DIAPH3: variants seen among roughly 807,000 people sequenced by gnomAD.
The protein encoded by DIAPH3 is diaphanous related formin 3.
A neutral mutation model predicts 144.3 loss-of-function variants in DIAPH3; 117 were observed. The ratio of observed to expected loss-of-function variants is 0.81; its 90% confidence interval spans 0.70 to 0.95. The LOEUF (loss-of-function observed/expected upper bound fraction) is 0.95, where lower values mean the gene tolerates loss of function less well. Among genes scored for constraint, DIAPH3 ranks in the 40% least tolerant of loss-of-function variants. The pLI, the probability that DIAPH3 is intolerant of heterozygous loss-of-function variation, is 0.00. For missense variants in DIAPH3, 1,421 were observed against 1,412.7 expected (o/e 1.01, Z -0.09); for synonymous variants, 519 against 488.9 (o/e 1.06, Z -0.81).
rs772690684 is a variant in DIAPH3 at position 59,916,237 on chromosome 13, C to T, written c.2183G>A (p.Ser728Asn). Residue 728 changes from serine (S) to asparagine (N), a missense_variant, in exon 19 of 28, where the codon AGC becomes AAC. Transcript: ENST00000400324. ...KIAQNLSIFL[S>N]SFRVPYEEIR... ...TTCCTCATATGGCACCCGAAAAGAG[C>T]TCAGGAAGATTGCTAAGAAGGAGAA... 2 of 1,612,786 alleles carry T rather than the reference C, an allele frequency of 1.2e-6. No homozygotes were observed. The highest frequency in any genetic ancestry group is 1.7e-5 in the Admixed American group (1 of 59,942).
chr13:60,116,000 T>C (rs1189369991), intron 2 of DIAPH3, among the ~76,000 whole-genome samples: 1 of 152,100 alleles, frequency 6.6e-6, no homozygotes, highest in Non-Finnish European at 1.5e-5. Flanking sequence ...AAAACTGAGA[T>C]AATCTGTCTC....
intron 24 of DIAPH3, among the ~76,000 whole-genome samples, chr13:59,821,123 C>A (rs1249748372): frequency 6.6e-6 from 1 of 151,918 alleles, no homozygotes; most frequent in Non-Finnish European, 1.5e-5. Context: ...TCACTAAACT[C>A]AAAAATCTTT....
intron 3 of DIAPH3, among the ~76,000 whole-genome samples, chr13:60,107,640 C>T (rs1229827445): frequency 6.6e-6 from 1 of 152,140 alleles, no homozygotes; most frequent in African/African-American, 2.4e-5. Context: ...CAAACATACG[C>T]TTAAGAGATG....
intron 25 of DIAPH3, among the ~76,000 whole-genome samples, chr13:59,783,419 T>A (rs1204723655): frequency 6.6e-6 from 1 of 152,174 alleles, no homozygotes; most frequent in Non-Finnish European, 1.5e-5. Context: ...TAAGTTGAAA[T>A]GTTCATGAGA....
intron 17 of DIAPH3, 32 bp downstream of exon 17, chr13:59,969,912 A>C: frequency 1.5e-6 from 2 of 1,352,074 alleles, no homozygotes; most frequent in South Asian, 2.6e-5. Flanking sequence ...TTCTAAAATC[A>C]AATTAATAAA....
In DIAPH3 at chr13:60,112,152, C is replaced by T; in HGVS notation, c.248G>A (p.Ser83Asn). ...DKFASIRIPGSKKERPPLPNL... is the reference protein window; with the variant it reads ...DKFASIRIPGNKKERPPLPNL... Reference sequence around the variant, plus strand: ...GGGAAGTGGAGGTCTCTCTTTCTTGCTCCCTGGAATTCTTATGCTGGCAAA... The same window carrying T: ...GGGAAGTGGAGGTCTCTCTTTCTTGTTCCCTGGAATTCTTATGCTGGCAAA... The change falls in exon 3 of 28, where the codon AGC (serine) becomes AAC (asparagine). Residue 83 changes from serine (S) to asparagine (N), a missense_variant. Transcript: ENST00000400324. The T allele has an allele frequency of 6.2e-7, 1 of 1,614,104 alleles. No individual in the cohort carries two copies. The highest frequency in any genetic ancestry group is 8.5e-7 in the Non-Finnish European group (1 of 1,180,026).
In DIAPH3 at chr13:60,002,355, G is replaced by A. The variant is rs559826828; in HGVS notation, c.1014+6189C>T. Among the ~76,000 whole-genome samples the A allele has an allele frequency of 3.9e-5, 6 of 152,220 alleles. No homozygotes were observed. The East Asian group carries it at 1.2e-3, about 29-fold the overall frequency. ...AATCAGATCAATTACAGTCATTGCTGCCCATAATATAAAAGTAATATTCCC... is the reference window on the plus strand; with the variant it reads ...AATCAGATCAATTACAGTCATTGCTACCCATAATATAAAAGTAATATTCCC... On this transcript the variant is annotated intron_variant, in intron 9 of 27. Coordinates refer to ENST00000400324, the MANE Select transcript of DIAPH3 (RefSeq NM_001042517.2).
At chr13:59,770,589 A>ACTG (rs2038072582) in intron 27 of DIAPH3, among the ~76,000 whole-genome samples, 1 of 152,096 alleles carries the variant, frequency 6.6e-6, no homozygotes, top group Non-Finnish European at 1.5e-5. Context: ...ACATGCTACT[A>ACTG]CTGCTGCTGC....
intron 17 of DIAPH3, among the ~76,000 whole-genome samples, chr13:59,940,857 T>C (rs563989861): frequency 1.3e-5 from 2 of 152,272 alleles, no homozygotes; most frequent in African/African-American, 2.4e-5. Flanking sequence ...CAGTAGAAAC[T>C]GCAAATGTGA....
intron 27 of DIAPH3, among the ~76,000 whole-genome samples, chr13:59,737,935 G>C (rs1018874910): frequency 1.3e-5 from 2 of 152,136 alleles, no homozygotes; most frequent in Non-Finnish European, 2.9e-5. Context: ...GGGAGGCCGA[G>C]GTGGGTGCAT....
chr13:60,055,899 T>G (rs564705781), intron 4 of DIAPH3, among the ~76,000 whole-genome samples: 4 of 151,914 alleles, frequency 2.6e-5, no homozygotes, highest in African/African-American at 9.6e-5. Context: ...GACAATTTTT[T>G]GCATAGTTAT....
At chr13:60,043,837 A>G (rs2055869041) in intron 4 of DIAPH3, among the ~76,000 whole-genome samples, 1 of 152,208 alleles carries the variant, frequency 6.6e-6, no homozygotes, top group Non-Finnish European at 1.5e-5. Flanking sequence ...ACTGTAAATA[A>G]TAAATGCTGT....
At chr13:59,730,914 C>T (rs1289972818) in intron 27 of DIAPH3, among the ~76,000 whole-genome samples, 2 of 152,082 alleles carry the variant, frequency 1.3e-5, no homozygotes, top group Non-Finnish European at 1.5e-5. Flanking sequence ...CATATAATCC[C>T]AAATCCTTAC....
intron 27 of DIAPH3, among the ~76,000 whole-genome samples, chr13:59,726,717 G>A (rs147991896): frequency 6.6e-5 from 10 of 152,182 alleles, no homozygotes; most frequent in Admixed American, 3.3e-4. Flanking sequence ...GGGCTATTCC[G>A]TCTCAACATT....
intron 2 of DIAPH3, among the ~76,000 whole-genome samples, chr13:60,130,941 G>A (rs187481591): frequency 1.1e-3 from 160 of 152,202 alleles, no homozygotes; most frequent in African/African-American, 3.7e-3. Flanking sequence ...GAGCAACATG[G>A]CTTCTGGAAT....
intron 25 of DIAPH3, among the ~76,000 whole-genome samples, chr13:59,795,885 GCTTGCCAGCCAT>G (rs1254533225): frequency 6.6e-6 from 1 of 152,068 alleles, no homozygotes; most frequent in Non-Finnish European, 1.5e-5. Flanking sequence ...ATTTCCACCC[GCTTGCCAGCCAT>G]CTTGTGACCA....
At chr13:60,024,773 A>C (rs972790366) in intron 5 of DIAPH3, among the ~76,000 whole-genome samples, 3 of 152,220 alleles carry the variant, frequency 2.0e-5, no homozygotes, top group African/African-American at 7.2e-5. Flanking sequence ...CAGTGGAAGA[A>C]GAGAAAGCAC....
chr13:59,848,386 T>C (rs1410216701), intron 22 of DIAPH3, among the ~76,000 whole-genome samples: 1 of 150,286 alleles, frequency 6.7e-6, no homozygotes, highest in Non-Finnish European at 1.5e-5. Context: ...TACATATGCA[T>C]ACATGTGCCA....
At chr13:60,132,306 T>TG (rs1238442655) in intron 2 of DIAPH3, among the ~76,000 whole-genome samples, 7 of 152,154 alleles carry the variant, frequency 4.6e-5, no homozygotes, top group South Asian at 4.1e-4. Context: ...GCCTGGTCAA[T>TG]GGGGGGCCAT....
Sources: gnomAD v4.1 joint callset for allele counts (sites outside exome capture counted in the v4.1 genomes callset) on GRCh38, gnomAD v4.1.1 for gene constraint, MANE v1.5 for transcripts, NCBI Gene and HGNC (gene_info 2026-07-23, HGNC 2026-07-21) for gene names.